The following PDE4D variants were observed in gnomAD, a reference collection of about 807,000 sequenced individuals.
PDE4D encodes the protein phosphodiesterase 4D, also known as 3',5'-cyclic-AMP phosphodiesterase 4D.
In PDE4D, 24 loss-of-function variants were observed where a neutral mutation model predicts 87.4. The ratio of observed to expected loss-of-function variants is 0.27; its 90% CI spans 0.20 to 0.39. The LOEUF is 0.39. Ranked by LOEUF, PDE4D falls within the 10% of genes least tolerant of loss-of-function variation. The pLI is 1.00. For synonymous variants in PDE4D, 384 were observed against 383.2 expected (o/e 1.00, Z -0.02); for missense variants, 714 against 1,041.0 (o/e 0.69, Z 4.32).
rs2150648490 is a variant in PDE4D at position 59,737,756 on chromosome 5, G to T, written c.455+155412C>A. 2.0e-5 allele frequency among the ~76,000 whole-genome samples: 3 copies of T among 152,026 alleles called. 1 individual carries two copies. Among genetic ancestry groups the T allele is most frequent in the Admixed American group, 2.0e-4 (3 of 15,274 alleles). On this transcript the variant is annotated intron_variant, in intron 1 of 14. Transcript: ENST00000340635. ...TATTGACCCAATGTTTAAATCATTA[G>T]CTGGATTTTTACCATTTTCATGAGT...
intron 2 of PDE4D, among the ~76,000 whole-genome samples, chr5:60,149,539 G>A (rs1339961180): frequency 6.6e-6 from 1 of 152,082 alleles, no homozygotes; most frequent in Non-Finnish European, 1.5e-5. Flanking sequence ...TAGACACTCT[G>A]CTCCAGCCTA....
intron 2 of PDE4D, among the ~76,000 whole-genome samples, chr5:60,054,596 G>T (rs1331467475): frequency 1.3e-5 from 2 of 152,016 alleles, no homozygotes; most frequent in Non-Finnish European, 2.9e-5. Flanking sequence ...GGGTTGATTG[G>T]TGTGGCAAAC....
At chr5:59,816,663 C>A (rs976930767) in intron 1 of PDE4D, among the ~76,000 whole-genome samples, 2 of 152,036 alleles carry the variant, frequency 1.3e-5, no homozygotes, top group Non-Finnish European at 2.9e-5. Flanking sequence ...AATATTACAC[C>A]CCTCACTACC....
chr5:60,453,584 T>C (rs1270913232), intron 1 of PDE4D, among the ~76,000 whole-genome samples: 1 of 152,172 alleles, frequency 6.6e-6, no homozygotes, highest in Non-Finnish European at 1.5e-5. Flanking sequence ...TTTTAATTTA[T>C]ACATTCAAAT....
intron 3 of PDE4D, among the ~76,000 whole-genome samples, chr5:59,960,941 A>C (rs953121841): frequency 3.3e-5 from 5 of 152,204 alleles, no homozygotes; most frequent in Admixed American, 2.0e-4. Flanking sequence ...TTTAAATTGC[A>C]GTGCTCTAAG....
chr5:59,672,476 T>A (rs1747378205), intron 1 of PDE4D, among the ~76,000 whole-genome samples: 1 of 152,162 alleles, frequency 6.6e-6, no homozygotes, highest in Non-Finnish European at 1.5e-5. Flanking sequence ...AACCTGATAT[T>A]CCTCCTCAAA....
At chr5:59,073,131 T>C (rs1480005426) in intron 5 of PDE4D, among the ~76,000 whole-genome samples, 1 of 152,246 alleles carries the variant, frequency 6.6e-6, no homozygotes. Context: ...TTGGTAAGTA[T>C]GAAGCATCAT....
intron 5 of PDE4D, among the ~76,000 whole-genome samples, chr5:59,175,873 T>A (rs1394578088): frequency 2.1e-5 from 3 of 144,670 alleles, no homozygotes; most frequent in Non-Finnish European, 3.0e-5. Context: ...CAAGCAGTCC[T>A]CCCACCTTGG....
At chr5:60,309,934 T>G (rs1437873893) in intron 1 of PDE4D, among the ~76,000 whole-genome samples, 1 of 152,250 alleles carries the variant, frequency 6.6e-6, no homozygotes, top group Non-Finnish European at 1.5e-5. Flanking sequence ...AAATCCTTGG[T>G]GTTTTATTTA....
chr5:60,132,152 T>C (rs1048441509), intron 2 of PDE4D, among the ~76,000 whole-genome samples: 9 of 152,224 alleles, frequency 5.9e-5, no homozygotes, highest in African/African-American at 2.2e-4. Flanking sequence ...TGTCAACATC[T>C]TGAACTAAGT....
At chr5:59,834,753 C>G (rs916216354) in intron 1 of PDE4D, among the ~76,000 whole-genome samples, 3 of 152,014 alleles carry the variant, frequency 2.0e-5, no homozygotes, top group African/African-American at 7.2e-5. Flanking sequence ...GGCTAATAGT[C>G]ACTAATAGCT....
intron 1 of PDE4D, among the ~76,000 whole-genome samples, chr5:59,730,591 A>T (rs1283244957): frequency 1.3e-5 from 2 of 152,132 alleles, no homozygotes; most frequent in African/African-American, 4.8e-5. Flanking sequence ...GGGACTATCA[A>T]TCAGTTTCCT....
At chr5:59,263,673 T>G (rs1047633338) in intron 1 of PDE4D, among the ~76,000 whole-genome samples, 1 of 152,010 alleles carries the variant, frequency 6.6e-6, no homozygotes, top group Non-Finnish European at 1.5e-5. Flanking sequence ...CAACAAGGGA[T>G]CATCTTTCAA....
intron 1 of PDE4D, among the ~76,000 whole-genome samples, chr5:59,393,178 T>C (rs986364128): frequency 1.3e-5 from 2 of 152,040 alleles, no homozygotes; most frequent in African/African-American, 2.4e-5. Flanking sequence ...GAAAGAAATA[T>C]ACTGATTTGA....
intron 1 of PDE4D, among the ~76,000 whole-genome samples, chr5:59,375,866 T>C (rs1784632254): frequency 6.6e-6 from 1 of 152,250 alleles, no homozygotes; most frequent in Middle Eastern, 3.2e-3. Context: ...ATCCTTGAGA[T>C]GCAAGGTTGG....
In PDE4D at chr5:59,071,683, C is replaced by CTTTTTTTTTT. The variant is rs10701223; in HGVS notation, c.809-32722_809-32713dup. 5.1e-4 allele frequency among the ~76,000 whole-genome samples: 42 copies of CTTTTTTTTTT among 82,400 alleles called. 2 individuals are homozygous for CTTTTTTTTTT. The highest frequency in any genetic ancestry group is 7.9e-4 in the African/African-American group (16 of 20,172). 54.1% of individuals were successfully genotyped at this position (82,400 alleles called of 152,430 possible). On this transcript the variant is annotated intron_variant, in intron 5 of 14. Transcript: ENST00000340635. ...ACATCTGTACTTTTTTATTTCTCTT[C>CTTTTTTTTTT]TTTTTTTTTTTTTTTTTTTTTGAGA...
chr5:60,116,162 G>A (rs1335215619), intron 2 of PDE4D, among the ~76,000 whole-genome samples: 1 of 152,002 alleles, frequency 6.6e-6, no homozygotes, highest in Non-Finnish European at 1.5e-5. Context: ...GTCTATGGGA[G>A]GGCAAACGAT....
At chr5:60,172,385 T>A (rs1372495751) in intron 2 of PDE4D, among the ~76,000 whole-genome samples, 1 of 151,740 alleles carries the variant, frequency 6.6e-6, no homozygotes, top group Non-Finnish European at 1.5e-5. Context: ...ATGGGACATT[T>A]AGAGCCCTTC....
rs371548305 is a variant in PDE4D, at chr5:60,263,779, C to G, written c.-89-78092G>C. ...AAAACCTATTATGAAAAATAAACAC[C>G]TATTATGAGCAGAGCACTGTATAAG... On this transcript the variant is annotated intron_variant, in intron 1 of 16. Transcript: ENST00000502484. Among the ~76,000 whole-genome samples the G allele has an allele frequency of 7.8e-4, 119 of 152,184 alleles. 4 individuals are homozygous for G. The South Asian group carries it at 0.024, about 31-fold the overall frequency.
Sources: gnomAD v4.1 joint callset for allele counts (sites outside exome capture counted in the v4.1 genomes callset) on GRCh38, gnomAD v4.1.1 for gene constraint, MANE v1.5 for transcripts, NCBI Gene and HGNC (gene_info 2026-07-23, HGNC 2026-07-21) for gene names.